Variants in MYZAP observed in about 807,000 individuals in gnomAD.
MYZAP encodes the protein myocardial zonula adherens protein, also known as GRINL1A complex locus upstream.
MYZAP carries 66 observed loss-of-function variants against 69.4 expected under a neutral mutation model. The observed-to-expected ratio is 0.95, with a 90% CI of 0.78 to 1.17. The LOEUF (loss-of-function observed/expected upper bound fraction) is 1.17, where lower values mean the gene tolerates loss of function less well. MYZAP is among the 50% of genes most tolerant of loss of function. The pLI is 0.00. For synonymous variants in MYZAP, 256 were observed against 205.9 expected (o/e 1.24, Z -2.09); for missense variants, 611 against 556.2 (o/e 1.10, Z -0.99).
At chr15:57,663,526 G>C (rs2038414659) in intron 11 of MYZAP, among the ~76,000 whole-genome samples, 1 of 152,172 alleles carries the variant, frequency 6.6e-6, no homozygotes, top group Non-Finnish European at 1.5e-5. Flanking sequence ...CACTCCTGCT[G>C]GGGATCTCTG....
At chr15:57,681,794 A>C (rs1244377232) in intron 12 of MYZAP, among the ~76,000 whole-genome samples, 1 of 152,146 alleles carries the variant, frequency 6.6e-6, no homozygotes, top group Non-Finnish European at 1.5e-5. Context: ...CAAAAAAAAA[A>C]AGCTATGGAG....
At chr15:57,660,973 T>C (rs2038267140) in intron 10 of MYZAP, among the ~76,000 whole-genome samples, 1 of 152,226 alleles carries the variant, frequency 6.6e-6, no homozygotes, top group Non-Finnish European at 1.5e-5. Context: ...TTTTGACACT[T>C]GGTTGAACAA....
At chr15:57,596,581 G>T (rs2034071469) in intron 1 of MYZAP, among the ~76,000 whole-genome samples, 3 of 152,076 alleles carry the variant, frequency 2.0e-5, no homozygotes, top group Admixed American at 2.0e-4. Flanking sequence ...ACTCTTAAAG[G>T]CCGGGGTGAT....
chr15:57,644,168 T>C (rs2037321370), intron 10 of MYZAP, among the ~76,000 whole-genome samples: 1 of 152,192 alleles, frequency 6.6e-6, no homozygotes, highest in Non-Finnish European at 1.5e-5. Flanking sequence ...CTGTCCCGGA[T>C]TCTCAGAGCG....
At chr15:57,620,855 A>G (rs1201930853) in intron 3 of MYZAP, among the ~76,000 whole-genome samples, 2 of 152,082 alleles carry the variant, frequency 1.3e-5, no homozygotes, top group East Asian at 3.8e-4. Flanking sequence ...GTGATGGGAA[A>G]AGGGCAAAAC....
intron 10 of MYZAP, among the ~76,000 whole-genome samples, chr15:57,658,729 T>C (rs2038129499): frequency 6.6e-6 from 1 of 152,218 alleles, no homozygotes; most frequent in South Asian, 2.1e-4. Flanking sequence ...TTATTCCACC[T>C]TGGGTGATGC....
chr15:57,658,760 A>C (rs2433205), intron 10 of MYZAP, among the ~76,000 whole-genome samples: 5,281 of 152,308 alleles, frequency 0.035, 325 homozygotes, highest in African/African-American at 0.12. Context: ...AATGGAGTCA[A>C]GTGGTGACAA....
At chr15:57,668,863 G>GTT (rs2038724631) in intron 11 of MYZAP, among the ~76,000 whole-genome samples, 1 of 137,262 alleles carries the variant, frequency 7.3e-6, no homozygotes, top group Non-Finnish European at 1.5e-5. Flanking sequence ...TCTTAATGAT[G>GTT]TCTGTTGAAG....
chr15:57,616,599 G>T (rs2451184), intron 2 of MYZAP, among the ~76,000 whole-genome samples: 47,063 of 151,688 alleles, frequency 0.31, 7,591 homozygotes, highest in East Asian at 0.55. Flanking sequence ...TTGCGCCGCT[G>T]CTCTCCAACC....
At chr15:57,604,649 C>T (rs559678110) in intron 2 of MYZAP, among the ~76,000 whole-genome samples, 248 of 152,254 alleles carry the variant, frequency 1.6e-3, no homozygotes, top group Admixed American at 6.8e-3. Flanking sequence ...TGGCGGGGAA[C>T]GTGGGTTTTC....
intron 2 of MYZAP, among the ~76,000 whole-genome samples, chr15:57,606,634 C>G (rs570701980): frequency 6.6e-6 from 1 of 151,414 alleles, no homozygotes; most frequent in Non-Finnish European, 1.5e-5. Flanking sequence ...TGCTAAATGA[C>G]GAATTAATGG....
intron 11 of MYZAP, among the ~76,000 whole-genome samples, chr15:57,663,693 G>T (rs982682562): frequency 5.9e-5 from 9 of 152,204 alleles, no homozygotes; most frequent in African/African-American, 1.9e-4. Context: ...GACTCTGGTG[G>T]TCAAAGGAAG....
chr15:57,641,968 TGAGG>T (rs1192433929), intron 10 of MYZAP, among the ~76,000 whole-genome samples: 1 of 152,134 alleles, frequency 6.6e-6, no homozygotes, highest in Admixed American at 6.5e-5. Context: ...TTAGAAAACA[TGAGG>T]GAATATGTCT....
chr15:57,655,489 A>C (rs761942616), intron 10 of MYZAP, among the ~76,000 whole-genome samples: 18 of 152,052 alleles, frequency 1.2e-4, no homozygotes, highest in Non-Finnish European at 2.2e-4. Context: ...GTACCAGAGC[A>C]CCTGTATTTT....
chr15:57,635,219 G>T (rs1421250886), intron 8 of MYZAP, among the ~76,000 whole-genome samples: 1 of 152,134 alleles, frequency 6.6e-6, no homozygotes, highest in Non-Finnish European at 1.5e-5. Flanking sequence ...TGCTGATAAT[G>T]GTACTTCTTA....
intron 6 of MYZAP, 145 bp from the exon 7 acceptor site, chr15:57,632,289 G>C: frequency 7.4e-7 from 1 of 1,348,174 alleles, no homozygotes; most frequent in South Asian, 1.5e-5. Context: ...CCCTTTCCCT[G>C]TTAGGTCTTG....
At chr15:57,628,769 C>T (rs964151761) in intron 5 of MYZAP, among the ~76,000 whole-genome samples, 9 of 152,072 alleles carry the variant, frequency 5.9e-5, no homozygotes, top group African/African-American at 1.2e-4. Context: ...AGTCTAGAAG[C>T]GCAGAAGGGA....
intron 1 of MYZAP, among the ~76,000 whole-genome samples, chr15:57,596,638 G>C (rs543999197): frequency 1.3e-5 from 2 of 152,154 alleles, no homozygotes; most frequent in East Asian, 1.9e-4. Flanking sequence ...TGCTTCAAGA[G>C]CCTCCTCAGT....
chr15:57,683,206 T>C (rs992743945), intron 12 of MYZAP, among the ~76,000 whole-genome samples: 2 of 152,120 alleles, frequency 1.3e-5, no homozygotes, highest in African/African-American at 4.8e-5. Context: ...TGCCGCCAAC[T>C]ACCAAGCTGC....
Sources: gnomAD v4.1 joint callset for allele counts (sites outside exome capture counted in the v4.1 genomes callset) on GRCh38, gnomAD v4.1.1 for gene constraint, MANE v1.5 for transcripts, NCBI Gene and HGNC (gene_info 2026-07-23, HGNC 2026-07-21) for gene names.